ROBO1: variants seen among roughly 807,000 people sequenced by gnomAD.
ROBO1 encodes roundabout homolog 1.
ROBO1 carries 149 observed loss-of-function variants against 195.9 expected under a neutral mutation model. The observed-to-expected ratio is 0.76, with a 90% CI of 0.67 to 0.87. The LOEUF (loss-of-function observed/expected upper bound fraction) is 0.87. Ranked by LOEUF, ROBO1 falls within the 40% of genes least tolerant of loss-of-function variation. The pLI is 0.00. For missense variants in ROBO1, 1,933 were observed against 2,068.3 expected, an observed-to-expected ratio of 0.93 and a Z score of 1.27; for synonymous variants, 816 against 733.2, an observed-to-expected ratio of 1.11 and a Z score of -1.82.
rs546994545 is a variant in ROBO1 at position 79,430,232 on chromosome 3, C to T, written c.88+159592G>A. Among the ~76,000 whole-genome samples the T allele has an allele frequency of 9.2e-5, 14 of 152,068 alleles. No individual in the cohort carries two copies. In the South Asian group the frequency reaches 2.7e-3, roughly 29 times the overall value. On this transcript the variant is annotated intron_variant, in intron 2 of 30. Transcript: ENST00000464233. ...AATATCTTAAACATGTAAGTGTAAG[C>T]AATATTTATAATTCGTAAATTTTCA...
At chr3:79,646,843 T>C (rs149527941) in intron 1 of ROBO1, among the ~76,000 whole-genome samples, 74 of 152,186 alleles carry the variant, frequency 4.9e-4, no homozygotes, top group African/African-American at 1.7e-3. Flanking sequence ...AATCATATAA[T>C]GGAGGTAAAA....
chr3:78,894,553 T>C (rs982490740), intron 4 of ROBO1, among the ~76,000 whole-genome samples: 3 of 152,062 alleles, frequency 2.0e-5, no homozygotes, highest in African/African-American at 7.2e-5. Context: ...CGAAGACCAA[T>C]AACAAAGATG....
chr3:79,680,875 C>T (rs915975722), intron 1 of ROBO1, among the ~76,000 whole-genome samples: 9 of 151,626 alleles, frequency 5.9e-5, no homozygotes, highest in Non-Finnish European at 1.2e-4. Flanking sequence ...AGTTTAAATG[C>T]CAGATGAAGT....
intron 1 of ROBO1, among the ~76,000 whole-genome samples, chr3:79,756,817 C>T (rs1039390864): frequency 6.6e-6 from 1 of 152,116 alleles, no homozygotes; most frequent in Admixed American, 6.5e-5. Context: ...TTCCATCTCT[C>T]CCTCCTCTTA....
intron 2 of ROBO1, among the ~76,000 whole-genome samples, chr3:79,568,390 A>G (rs1018283254): frequency 6.6e-6 from 1 of 151,988 alleles, no homozygotes; most frequent in Admixed American, 6.6e-5. Context: ...CAATTAGAAA[A>G]TAAAAGGCTG....
At chr3:79,081,990 T>A (rs2079283209) in intron 3 of ROBO1, among the ~76,000 whole-genome samples, 1 of 152,180 alleles carries the variant, frequency 6.6e-6, no homozygotes, top group African/African-American at 2.4e-5. Context: ...TTAAATGGGA[T>A]GTTTTGGTGA....
intron 1 of ROBO1, among the ~76,000 whole-genome samples, chr3:79,677,271 A>C (rs1003545875): frequency 1.3e-5 from 2 of 152,090 alleles, no homozygotes; most frequent in Admixed American, 6.6e-5. Flanking sequence ...AGCTGTGTTA[A>C]GAAACCTACA....
At chr3:79,134,954 G>A (rs868193117) in intron 2 of ROBO1, among the ~76,000 whole-genome samples, 4 of 140,358 alleles carry the variant, frequency 2.8e-5, no homozygotes, top group South Asian at 5.0e-4. Flanking sequence ...CACGTTAGTG[G>A]GTGCAGCGCA....
At chr3:79,716,371 T>A (rs1320590577) in intron 1 of ROBO1, among the ~76,000 whole-genome samples, 3 of 151,976 alleles carry the variant, frequency 2.0e-5, no homozygotes, top group Admixed American at 2.0e-4. Flanking sequence ...TTTGGGCATG[T>A]GATATAGATA....
chr3:79,339,647 A>C (rs2034826616), intron 2 of ROBO1, among the ~76,000 whole-genome samples: 1 of 152,096 alleles, frequency 6.6e-6, no homozygotes, highest in Non-Finnish European at 1.5e-5. Context: ...ACTCATCAAC[A>C]TCTGACATAC....
intron 5 of ROBO1, among the ~76,000 whole-genome samples, chr3:78,726,078 A>C (rs2082155435): frequency 6.6e-6 from 1 of 152,168 alleles, no homozygotes; most frequent in Non-Finnish European, 1.5e-5. Flanking sequence ...TGTGACTTGA[A>C]TTCAACAGAC....
intron 4 of ROBO1, among the ~76,000 whole-genome samples, chr3:78,922,424 T>A (rs2038986334): frequency 6.6e-6 from 1 of 151,966 alleles, no homozygotes; most frequent in African/African-American, 2.4e-5. Context: ...CAACAAAAAA[T>A]ATACAAATTC....
At chr3:79,451,376 C>T (rs994210811) in intron 2 of ROBO1, among the ~76,000 whole-genome samples, 1 of 152,040 alleles carries the variant, frequency 6.6e-6, no homozygotes, top group African/African-American at 2.4e-5. Flanking sequence ...ACAAGAGATA[C>T]TACTTAACCA....
intron 3 of ROBO1, among the ~76,000 whole-genome samples, chr3:78,986,375 A>AG (rs2077106374): frequency 2.6e-5 from 4 of 152,166 alleles, no homozygotes. Flanking sequence ...GAGGAAAAAA[A>AG]GAATAAAACC....
At chr3:78,636,935 T>TTATATATATATATATATATA (rs55894934) in intron 22 of ROBO1, among the ~76,000 whole-genome samples, 10 of 96,690 alleles carry the variant, frequency 1.0e-4, no homozygotes, top group South Asian at 4.5e-4. Flanking sequence ...TACATTCATT[T>TTATATATATATATATATATA]TATATATATA....
intron 2 of ROBO1, among the ~76,000 whole-genome samples, chr3:79,173,776 G>T (rs2081212665): frequency 6.6e-6 from 1 of 152,180 alleles, no homozygotes; most frequent in Non-Finnish European, 1.5e-5. Flanking sequence ...GGTAAAGTCA[G>T]CTGGGCTCCT....
chr3:78,848,310 G>A (rs1170296947), intron 4 of ROBO1, among the ~76,000 whole-genome samples: 15 of 152,056 alleles, frequency 9.9e-5, no homozygotes, highest in Admixed American at 9.8e-4. Flanking sequence ...TACTTTTAAA[G>A]GCAAAACCAC....
chr3:79,686,146 A>G (rs2107023988), intron 1 of ROBO1, among the ~76,000 whole-genome samples: 1 of 152,316 alleles, frequency 6.6e-6, no homozygotes, highest in Admixed American at 6.5e-5. Context: ...CAGATGCAGA[A>G]AAAGCCTTTG....
intron 4 of ROBO1, among the ~76,000 whole-genome samples, chr3:78,877,078 CAT>C (rs1189035177): frequency 6.6e-6 from 1 of 151,966 alleles, no homozygotes; most frequent in Non-Finnish European, 1.5e-5. Flanking sequence ...CAGGGCCTGA[CAT>C]GTAGTAGCCA....
Sources: gnomAD v4.1 joint callset for allele counts (sites outside exome capture counted in the v4.1 genomes callset) on GRCh38, gnomAD v4.1.1 for gene constraint, MANE v1.5 for transcripts, NCBI Gene and HGNC (gene_info 2026-07-23, HGNC 2026-07-21) for gene names.